The following ADCK1 variants were observed in gnomAD, a reference collection of about 807,000 sequenced individuals.
ADCK1 encodes aarF domain containing kinase 1.
ADCK1 carries 41 observed loss-of-function variants against 52.3 expected under a neutral mutation model. That is an observed-to-expected ratio of 0.78 (90% CI 0.61 to 1.02). The LOEUF is 1.02. Ranked by LOEUF, ADCK1 falls within the 50% of genes least tolerant of loss-of-function variation. ADCK1 has a pLI of 0.00. For missense variants in ADCK1, 658 were observed against 679.5 expected, an observed-to-expected ratio of 0.97 and a Z score of 0.35; for synonymous variants, 250 against 274.6, an observed-to-expected ratio of 0.91 and a Z score of 0.89.
chr14:77,830,723 A>G (rs936290654), intron 3 of ADCK1, among the ~76,000 whole-genome samples: 1 of 141,398 alleles, frequency 7.1e-6, no homozygotes, highest in African/African-American at 2.5e-5. Context: ...TGAGAGAGAA[A>G]AAGAACAGGA....
intron 7 of ADCK1, among the ~76,000 whole-genome samples, chr14:77,920,958 A>G (rs1169659820): frequency 6.6e-6 from 1 of 151,988 alleles, no homozygotes; most frequent in Non-Finnish European, 1.5e-5. Context: ...CACACATTCT[A>G]TATTTATATG....
intron 1 of ADCK1, among the ~76,000 whole-genome samples, chr14:77,809,339 A>T (rs2081290102): frequency 6.6e-6 from 1 of 151,702 alleles, no homozygotes; most frequent in South Asian, 2.1e-4. Context: ...TAATACAAAA[A>T]ATTTTTTGAG....
intron 5 of ADCK1, among the ~76,000 whole-genome samples, chr14:77,892,253 C>T (rs1030117052): frequency 1.3e-5 from 2 of 152,172 alleles, no homozygotes; most frequent in African/African-American, 4.8e-5. Flanking sequence ...ACCTTCTACA[C>T]CCAAACTCAT....
At chr14:77,890,011 A>G (rs2083250875) in intron 5 of ADCK1, among the ~76,000 whole-genome samples, 1 of 152,120 alleles carries the variant, frequency 6.6e-6, no homozygotes, top group South Asian at 2.1e-4. Context: ...GGTCAGAGAG[A>G]TTGGAGGAAA....
At chr14:77,912,237 T>G (rs2083807870) in intron 7 of ADCK1, among the ~76,000 whole-genome samples, 1 of 152,188 alleles carries the variant, frequency 6.6e-6, no homozygotes, top group South Asian at 2.1e-4. Context: ...TCTTTGGCAG[T>G]CTGAGATGAT....
intron 3 of ADCK1, among the ~76,000 whole-genome samples, chr14:77,849,249 T>G: frequency 6.6e-6 from 1 of 152,154 alleles, no homozygotes; most frequent in East Asian, 1.9e-4. Context: ...AATTTTTAAA[T>G]TTTTTGCAGA....
In ADCK1 at chr14:77,914,384, A is replaced by G. The variant is rs565879063; in HGVS notation, c.858+6465A>G. ...GTTCCACCTGCCATGCTTAGCCAGA[A>G]GCCCTTGCTATGCTTCTTCTAGTAG... On this transcript the variant is annotated intron_variant, in intron 7 of 10. Transcript: ENST00000238561. The G allele has an allele frequency of 3.6e-5, 35 of 985,344 alleles. No homozygotes were observed. In the East Asian group the frequency reaches 3.4e-3, roughly 96 times the overall value. 61.0% of individuals were successfully genotyped at this position (985,344 alleles called of 1,614,324 possible).
chr14:77,904,273 G>C (rs532162742), intron 6 of ADCK1, among the ~76,000 whole-genome samples: 1 of 152,324 alleles, frequency 6.6e-6, no homozygotes, highest in Non-Finnish European at 1.5e-5. Flanking sequence ...TGGGAAATGG[G>C]GGCGGAGGTG....
intron 3 of ADCK1, among the ~76,000 whole-genome samples, chr14:77,831,705 C>T (rs1255750784): frequency 6.6e-6 from 1 of 150,734 alleles, no homozygotes; most frequent in African/African-American, 2.4e-5. Flanking sequence ...TTGCCTTGGC[C>T]TCCCAAAGTG....
At chr14:77,863,971 ACC>A (rs2082608356) in intron 4 of ADCK1, among the ~76,000 whole-genome samples, 2 of 151,832 alleles carry the variant, frequency 1.3e-5, no homozygotes, top group Admixed American at 1.3e-4. Context: ...GCACAGAAAT[ACC>A]TCTGTTAGGG....
chr14:77,857,570 C>G (rs987145845), intron 3 of ADCK1, among the ~76,000 whole-genome samples: 6 of 152,180 alleles, frequency 3.9e-5, no homozygotes, highest in Non-Finnish European at 8.8e-5. Flanking sequence ...TTTTTCCACT[C>G]TCTACTTCCA....
At chr14:77,906,385 T>C (rs975239722) in intron 6 of ADCK1, among the ~76,000 whole-genome samples, 3 of 152,246 alleles carry the variant, frequency 2.0e-5, no homozygotes, top group Admixed American at 2.0e-4. Context: ...GTGGGGGTAC[T>C]GGTGGGTGTC....
rs2083824226 is a variant in ADCK1 at position 77,912,749 on chromosome 14, C to A, written c.858+4830C>A. Among the ~76,000 whole-genome samples the A allele has an allele frequency of 1.3e-5, 2 of 152,056 alleles. 1 individual carries two copies. Among genetic ancestry groups the A allele is most frequent in the East Asian group, 3.9e-4 (2 of 5,188 alleles). On this transcript the variant is annotated intron_variant, in intron 7 of 10. Coordinates refer to ENST00000238561, the MANE Select transcript of ADCK1 (RefSeq NM_020421.4). ...CTGGAAGATGGCTGTAGAAGGGACCCCTCTTGAGGTGGGTGGGGATGGCTC... is the reference window on the plus strand; with the variant it reads ...CTGGAAGATGGCTGTAGAAGGGACCACTCTTGAGGTGGGTGGGGATGGCTC...
intron 7 of ADCK1, among the ~76,000 whole-genome samples, chr14:77,911,563 G>A (rs565336071): frequency 2.0e-5 from 3 of 152,172 alleles, no homozygotes; most frequent in South Asian, 2.1e-4. Context: ...CTGTTTTATC[G>A]TACCCATCTC....
chr14:77,838,330 G>A (rs941180379), intron 3 of ADCK1, among the ~76,000 whole-genome samples: 3 of 152,180 alleles, frequency 2.0e-5, no homozygotes, highest in Non-Finnish European at 4.4e-5. Context: ...AGGCAAGGTG[G>A]TTCAGGAACT....
intron 1 of ADCK1, among the ~76,000 whole-genome samples, chr14:77,814,390 C>G (rs546281185): frequency 6.7e-6 from 1 of 148,974 alleles, no homozygotes; most frequent in African/African-American, 2.5e-5. Flanking sequence ...CTTTTTTTTT[C>G]TGACCCATTG....
chr14:77,876,767 T>A (rs2082908869), intron 4 of ADCK1, among the ~76,000 whole-genome samples: 1 of 152,216 alleles, frequency 6.6e-6, no homozygotes. Context: ...TTATGTTGAC[T>A]GCCACCCCCC....
At chr14:77,811,349 G>A (rs2081334853) in intron 1 of ADCK1, among the ~76,000 whole-genome samples, 2 of 152,062 alleles carry the variant, frequency 1.3e-5, no homozygotes, top group South Asian at 4.1e-4. Flanking sequence ...CATCAAGCAG[G>A]TATTGCTGTT....
chr14:77,894,736 GTTTTTTTTTTTTTT>G, intron 5 of ADCK1, among the ~76,000 whole-genome samples: 2,380 of 36,580 alleles, frequency 0.065, 175 homozygotes, highest in African/African-American at 0.17. Context: ...TTCTTTTCTT[GTTTTTTTTTTTTTT>G]TTTTTTTTTT....
Sources: allele counts gnomAD v4.1 joint callset (sites outside exome capture counted in the v4.1 genomes callset), GRCh38; gene constraint gnomAD v4.1.1; transcripts MANE v1.5; gene names NCBI Gene and HGNC (gene_info 2026-07-23, HGNC 2026-07-21).